Variants in UGT8 observed in about 807,000 individuals in gnomAD.
The protein encoded by UGT8 is UDP glycosyltransferase 8.
UGT8 carries 12 observed loss-of-function variants against 40.5 expected under a neutral mutation model. The ratio of observed to expected loss-of-function variants is 0.30; its 90% CI spans 0.19 to 0.48. UGT8 has a LOEUF of 0.48. UGT8 is among the 20% of genes least tolerant of loss of function. The probability of loss-of-function intolerance (pLI) is 0.99; values close to 1 mark genes in which losing one functional copy is unlikely to be tolerated. For missense variants in UGT8, 513 were observed against 648.7 expected (o/e 0.79, Z 2.27); for synonymous variants, 224 against 240.4 (o/e 0.93, Z 0.63).
intron 1 of UGT8, among the ~76,000 whole-genome samples, chr4:114,601,313 A>G (rs893606212): frequency 1.3e-5 from 2 of 152,214 alleles, no homozygotes; most frequent in Non-Finnish European, 2.9e-5. Flanking sequence ...CTTCATTACC[A>G]TTTAAATATT....
chr4:114,651,904 A>C (rs1183846471), intron 2 of UGT8, among the ~76,000 whole-genome samples: 1 of 152,112 alleles, frequency 6.6e-6, no homozygotes, highest in Non-Finnish European at 1.5e-5. Context: ...AAACAATGAA[A>C]ATTATAAGCT....
At chr4:114,670,999 A>G (rs1418368409) in intron 5 of UGT8, among the ~76,000 whole-genome samples, 1 of 152,192 alleles carries the variant, frequency 6.6e-6, no homozygotes, top group Non-Finnish European at 1.5e-5. Flanking sequence ...AATCGCAAGC[A>G]TTCTTTTACA....
intron 2 of UGT8, among the ~76,000 whole-genome samples, chr4:114,628,734 T>G (rs565974765): frequency 1.3e-4 from 11 of 82,566 alleles, no homozygotes; most frequent in African/African-American, 3.6e-4. Context: ...TAAGGAAGCA[T>G]AGTCTTGGGG....
chr4:114,677,184 C>T lies in UGT8; in HGVS notation c.*896C>T, dbSNP rs1372016344. On this transcript the variant is annotated 3_prime_UTR_variant, in exon 6 of 6. Transcript: ENST00000310836. ...TTATTGCTTCTAGGGCATTTTTAAA[C>T]AGCACCATTGTATTGTTGAATGTTT... is the stretch of plus-strand genomic sequence containing the variant. 1 of 152,074 alleles carries T rather than the reference C, an allele frequency of 6.6e-6. No homozygotes were observed. The highest frequency in any genetic ancestry group is 2.4e-5 in the African/African-American group (1 of 41,398). 9.4% of individuals were successfully genotyped at this position (152,074 alleles called of 1,614,324 possible).
chr4:114,642,194 C>T (rs536236562), intron 2 of UGT8, among the ~76,000 whole-genome samples: 2 of 151,714 alleles, frequency 1.3e-5, no homozygotes, highest in South Asian at 2.1e-4. Flanking sequence ...GCTTTTTCAA[C>T]GTATATTAAC....
chr4:114,661,511 T>A (rs917021529), intron 2 of UGT8, among the ~76,000 whole-genome samples: 1 of 152,192 alleles, frequency 6.6e-6, no homozygotes, highest in Admixed American at 6.5e-5. Context: ...TAAGATTGCT[T>A]CAACTTCTGG....
At chr4:114,614,392 C>T (rs184744206) in intron 1 of UGT8, among the ~76,000 whole-genome samples, 6 of 152,158 alleles carry the variant, frequency 3.9e-5, no homozygotes, top group East Asian at 1.9e-4. Flanking sequence ...CTGTAATACT[C>T]GTAGAGATTT....
chr4:114,656,835 A>C (rs1210691381), intron 2 of UGT8: 2 of 515,450 alleles, frequency 3.9e-6, no homozygotes. Context: ...TCTGCTCTTC[A>C]TTTCCCCATA....
intron 2 of UGT8, chr4:114,656,738 G>A: frequency 6.0e-6 from 3 of 498,034 alleles, no homozygotes; most frequent in South Asian, 3.1e-5. Flanking sequence ...GAAGTTTCAG[G>A]CACCCAAGGC....
At chr4:114,651,824 A>G (rs1733910672) in intron 2 of UGT8, among the ~76,000 whole-genome samples, 1 of 152,112 alleles carries the variant, frequency 6.6e-6, no homozygotes, top group South Asian at 2.1e-4. Flanking sequence ...AGATTTCTGA[A>G]AAGATTTACA....
At chr4:114,605,219 C>T (rs912914914) in intron 1 of UGT8, among the ~76,000 whole-genome samples, 2 of 151,914 alleles carry the variant, frequency 1.3e-5, no homozygotes, top group African/African-American at 4.8e-5. Context: ...TAGGTCAGTT[C>T]GTATTCTCTG....
At chr4:114,609,137 TGGGA>T (rs1730897663) in intron 1 of UGT8, among the ~76,000 whole-genome samples, 1 of 152,096 alleles carries the variant, frequency 6.6e-6, no homozygotes, top group Non-Finnish European at 1.5e-5. Context: ...GTGGCTGAGA[TGGGA>T]GGATTGCTTG....
intron 1 of UGT8, among the ~76,000 whole-genome samples, chr4:114,604,126 A>G (rs1422724533): frequency 6.6e-6 from 1 of 152,136 alleles, no homozygotes; most frequent in Non-Finnish European, 1.5e-5. Context: ...TCCGCCAGTC[A>G]GGAGGGTCTG....
intron 1 of UGT8, among the ~76,000 whole-genome samples, chr4:114,604,472 TCC>T (rs752063508): frequency 0.018 from 2,570 of 146,356 alleles, 84 homozygotes; most frequent in African/African-American, 0.058. Context: ...TTTTTTTTTT[TCC>T]CCCAATTAAG....
At chr4:114,651,590 T>C (rs2126122473) in intron 2 of UGT8, among the ~76,000 whole-genome samples, 1 of 152,232 alleles carries the variant, frequency 6.6e-6, no homozygotes, top group South Asian at 2.1e-4. Flanking sequence ...CTTAGATTCA[T>C]AAGCTCTTTA....
At chr4:114,672,654 C>G (rs1239552181) in intron 5 of UGT8, among the ~76,000 whole-genome samples, 1 of 151,764 alleles carries the variant, frequency 6.6e-6, no homozygotes, top group Non-Finnish European at 1.5e-5. Context: ...GAACACACAC[C>G]AGGGCCTGTT....
chr4:114,656,721 T>G, intron 2 of UGT8: 1 of 488,084 alleles, frequency 2.0e-6, no homozygotes, highest in African/African-American at 2.0e-5. Flanking sequence ...AACTGTGACC[T>G]GAGGGGGAAG....
At chr4:114,635,576 A>T (rs1041157046) in intron 2 of UGT8, among the ~76,000 whole-genome samples, 7 of 152,180 alleles carry the variant, frequency 4.6e-5, no homozygotes, top group African/African-American at 1.4e-4. Context: ...TTTGTGGAAA[A>T]GATTTTGTAA....
intron 5 of UGT8, among the ~76,000 whole-genome samples, chr4:114,674,524 T>G (rs1456696874): frequency 6.6e-6 from 1 of 152,182 alleles, no homozygotes; most frequent in African/African-American, 2.4e-5. Context: ...TCCCTCTGCT[T>G]TAACAGCCTG....
Sources: allele counts gnomAD v4.1 joint callset (sites outside exome capture counted in the v4.1 genomes callset), GRCh38; gene constraint gnomAD v4.1.1; transcripts MANE v1.5; gene names NCBI Gene and HGNC (gene_info 2026-07-23, HGNC 2026-07-21).